RBMS3: variants seen among roughly 807,000 people sequenced by gnomAD.
The protein encoded by RBMS3 is RNA-binding motif, single-stranded-interacting protein 3.
RBMS3 carries 27 observed loss-of-function variants against 66.8 expected under a neutral mutation model. That is an observed-to-expected ratio of 0.40 (90% CI 0.30 to 0.56). The LOEUF is 0.56. RBMS3 is among the 20% of genes least tolerant of loss of function. The pLI is 0.40. For missense variants in RBMS3, 513 were observed against 549.5 expected (o/e 0.93, Z 0.66); for synonymous variants, 188 against 183.0 (o/e 1.03, Z -0.22).
At chr3:29,942,990 CAT>C (rs1400208133) in intron 11 of RBMS3, among the ~76,000 whole-genome samples, 57 of 151,674 alleles carry the variant, frequency 3.8e-4, no homozygotes, top group Non-Finnish European at 5.9e-5. Context: ...CAAAATAACT[CAT>C]GTGTCTGGTT....
intron 4 of RBMS3, among the ~76,000 whole-genome samples, chr3:29,598,445 A>T (rs577749273): frequency 6.6e-6 from 1 of 152,224 alleles, no homozygotes; most frequent in Admixed American, 6.6e-5. Flanking sequence ...AGGATTTTAT[A>T]ATTACTGAGA....
chr3:29,629,215 G>T (rs2049187327), intron 4 of RBMS3, among the ~76,000 whole-genome samples: 1 of 152,100 alleles, frequency 6.6e-6, no homozygotes, highest in South Asian at 2.1e-4. Context: ...TTAAAGACTT[G>T]AAAGGATTCA....
At chr3:29,854,477 C>T (rs1421134757) in intron 6 of RBMS3, among the ~76,000 whole-genome samples, 1 of 152,148 alleles carries the variant, frequency 6.6e-6, no homozygotes, top group Non-Finnish European at 1.5e-5. Context: ...ATTTGAGACA[C>T]CTTCAGGAGA....
intron 2 of RBMS3, among the ~76,000 whole-genome samples, chr3:29,480,455 GA>G (rs768208032): frequency 5.9e-5 from 9 of 152,100 alleles, no homozygotes; most frequent in Non-Finnish European, 8.8e-5. Context: ...GGAGATAAGG[GA>G]AAAAGTACAG....
At chr3:29,699,649 A>G (rs2052456130) in intron 4 of RBMS3, among the ~76,000 whole-genome samples, 1 of 152,150 alleles carries the variant, frequency 6.6e-6, no homozygotes, top group Middle Eastern at 3.2e-3. Context: ...AGTATTACCT[A>G]TGTCAAAAAT....
At chr3:29,583,472 T>C (rs180726285) in intron 3 of RBMS3, among the ~76,000 whole-genome samples, 4 of 152,328 alleles carry the variant, frequency 2.6e-5, no homozygotes, top group East Asian at 3.9e-4. Context: ...GTTAACATTT[T>C]TTAAACGTGC....
At chr3:29,940,744 GAATCTGCAGGCCTCAAAAA>G (rs1305329136) in intron 11 of RBMS3, among the ~76,000 whole-genome samples, 1 of 130,036 alleles carries the variant, frequency 7.7e-6, no homozygotes, top group Non-Finnish European at 1.8e-5. Context: ...AAGCTAGACA[GAATCTGCAGGCCTCAAAAA>G]AAAAAAAAGT....
At chr3:29,763,055 A>G in intron 6 of RBMS3, 66 bp downstream of exon 6, 2 of 1,129,704 alleles carry the variant, frequency 1.8e-6, no homozygotes, top group Non-Finnish European at 1.3e-6. Flanking sequence ...TAGAATAAGT[A>G]CATTGTAAAG....
At chr3:29,814,251 G>A (rs949964165) in intron 6 of RBMS3, among the ~76,000 whole-genome samples, 1 of 152,030 alleles carries the variant, frequency 6.6e-6, no homozygotes, top group Non-Finnish European at 1.5e-5. Flanking sequence ...TGTGGTTTTT[G>A]TCTTTGGTTC....
chr3:29,646,734 C>CTCCT (rs1444271359), intron 4 of RBMS3, among the ~76,000 whole-genome samples: 1 of 149,980 alleles, frequency 6.7e-6, no homozygotes, highest in Non-Finnish European at 1.5e-5. Context: ...CCTTCCCTGT[C>CTCCT]TCCTATTCCT....
rs763806496 is a variant in RBMS3, at chr3:29,428,051, G to C, written c.76-6692G>C. ...GATGGTGGAACTGCGTATGTTGGAG[G>C]GGGTGAATGCCATGCGAAGTTGAAC... is the stretch of plus-strand genomic sequence containing the variant. On this transcript the variant is annotated intron_variant, in intron 1 of 14. Coordinates refer to ENST00000383767, the MANE Select transcript of RBMS3 (RefSeq NM_001003793.3). Among the ~76,000 whole-genome samples the C allele has an allele frequency of 1.4e-4, 22 of 152,328 alleles. 1 individual carries two copies. The highest frequency in any genetic ancestry group is 4.3e-4 in the African/African-American group (18 of 41,570).
chr3:29,296,385 G>C (rs1420897903), intron 1 of RBMS3, among the ~76,000 whole-genome samples: 3 of 151,738 alleles, frequency 2.0e-5, no homozygotes, highest in Non-Finnish European at 4.4e-5. Flanking sequence ...GTGTACAACT[G>C]TATTTCTTAA....
intron 6 of RBMS3, among the ~76,000 whole-genome samples, chr3:29,857,231 G>A (rs552132852): frequency 2.6e-5 from 4 of 152,278 alleles, no homozygotes; most frequent in South Asian, 2.1e-4. Context: ...GAAGGAAATT[G>A]AGATGTGTTT....
At position 29,726,967 on chromosome 3, in the gene RBMS3, A is replaced by G. The variant is rs140029720; in HGVS notation, c.400-12753A>G. Among the ~76,000 whole-genome samples, 465 of 152,298 alleles carry G rather than the reference A, an allele frequency of 3.1e-3. 25 individuals are homozygous for G. In the East Asian group the frequency reaches 0.075, roughly 25 times the overall value. On this transcript the variant is annotated intron_variant, in intron 4 of 14. Transcript: ENST00000383767. ...ATCACAATACCCGACTTTAAACTAC[A>G]CTACAAGGCTACAGTAACCAAAACA...
intron 6 of RBMS3, among the ~76,000 whole-genome samples, chr3:29,844,931 T>C (rs2058742986): frequency 6.6e-6 from 1 of 152,224 alleles, no homozygotes; most frequent in East Asian, 1.9e-4. Context: ...TTGTTGGCTC[T>C]GCTGCACAGT....
intron 2 of RBMS3, among the ~76,000 whole-genome samples, chr3:29,479,446 T>G (rs930093196): frequency 6.6e-6 from 1 of 151,964 alleles, no homozygotes; most frequent in African/African-American, 2.4e-5. Flanking sequence ...TGCATCAAGC[T>G]CTATACTGAT....
intron 4 of RBMS3, among the ~76,000 whole-genome samples, chr3:29,671,572 A>C (rs1200969504): frequency 5.9e-5 from 9 of 152,232 alleles, no homozygotes; most frequent in Admixed American, 1.3e-4. Flanking sequence ...AATAAACAGC[A>C]TAGAGAAGAC....
chr3:29,985,554 A>C (rs116290717), intron 12 of RBMS3, among the ~76,000 whole-genome samples: 1 of 152,258 alleles, frequency 6.6e-6, no homozygotes, highest in South Asian at 2.1e-4. Context: ...GCCAGAATGC[A>C]TGTTCCTTAC....
chr3:29,940,588 T>C (rs940389136), intron 11 of RBMS3, among the ~76,000 whole-genome samples: 2 of 151,968 alleles, frequency 1.3e-5, no homozygotes, highest in East Asian at 1.9e-4. Flanking sequence ...AGGAATTGTA[T>C]TGGGCCAAAA....
Sources: gnomAD v4.1 joint callset for allele counts (sites outside exome capture counted in the v4.1 genomes callset) on GRCh38, gnomAD v4.1.1 for gene constraint, MANE v1.5 for transcripts, NCBI Gene and HGNC (gene_info 2026-07-23, HGNC 2026-07-21) for gene names.